The following PTPRN2 variants were observed in gnomAD, a reference collection of about 807,000 sequenced individuals.
PTPRN2 encodes protein tyrosine phosphatase receptor type N2, also known as receptor-type tyrosine-protein phosphatase N2.
Under a neutral mutation model 118.8 loss-of-function variants are expected in PTPRN2, and 74 were observed. That is an observed-to-expected ratio of 0.62 (90% confidence interval 0.52 to 0.76). The LOEUF (loss-of-function observed/expected upper bound fraction) is 0.76, where lower values mean the gene tolerates loss of function less well. Ranked by LOEUF, PTPRN2 falls within the 30% of genes least tolerant of loss-of-function variation. The pLI is 0.00. For synonymous variants in PTPRN2, 641 were observed against 608.0 expected (o/e 1.05, Z -0.80); for missense variants, 1,481 against 1,394.4 (o/e 1.06, Z -0.99).
intron 5 of PTPRN2, 26 bp downstream of exon 5, chr7:158,192,301 G>T: frequency 6.9e-7 from 1 of 1,446,530 alleles, no homozygotes; most frequent in Non-Finnish European, 9.0e-7. Flanking sequence ...GCCAACCCCG[G>T]CCCGGGGAGG....
chr7:158,002,758 G>C (rs770020372), intron 11 of PTPRN2, among the ~76,000 whole-genome samples: 1 of 152,218 alleles, frequency 6.6e-6, no homozygotes, highest in African/African-American at 2.4e-5. Context: ...AAATGGACTT[G>C]CCGGGGAGGA....
At chr7:157,698,524 G>A (rs1237323864) in intron 12 of PTPRN2, among the ~76,000 whole-genome samples, 4 of 152,260 alleles carry the variant, frequency 2.6e-5, no homozygotes, top group African/African-American at 7.2e-5. Flanking sequence ...CAAATATGTC[G>A]GGATGTTTAG....
chr7:158,549,702 C>G (rs1259478043), intron 1 of PTPRN2, among the ~76,000 whole-genome samples: 3 of 152,228 alleles, frequency 2.0e-5, no homozygotes, highest in Admixed American at 1.3e-4. Flanking sequence ...TGAAGAACTT[C>G]GCTCCATCAC....
chr7:157,727,233 C>T (rs1313075062), intron 12 of PTPRN2, among the ~76,000 whole-genome samples: 1 of 152,208 alleles, frequency 6.6e-6, no homozygotes, highest in African/African-American at 2.4e-5. Context: ...AGGCCAGCAT[C>T]TGTGGACGGA....
At chr7:158,084,107 C>T (rs995616059) in intron 10 of PTPRN2, among the ~76,000 whole-genome samples, 3 of 152,132 alleles carry the variant, frequency 2.0e-5, no homozygotes, top group Admixed American at 2.0e-4. Flanking sequence ...GCCTAGGAGA[C>T]CCTGGTTTTC....
intron 22 of PTPRN2, among the ~76,000 whole-genome samples, chr7:157,541,584 C>T (rs748522316): frequency 2.6e-5 from 4 of 152,238 alleles, no homozygotes. Context: ...CTTCAGTTTC[C>T]ACCTCAAAAC....
chr7:157,583,194 C>T lies in PTPRN2; in HGVS notation c.2497-5054G>A, dbSNP rs1053507659. 2.6e-5 allele frequency among the ~76,000 whole-genome samples: 4 copies of T among 152,094 alleles called. No homozygotes were observed. Among genetic ancestry groups the T allele is most frequent in the African/African-American group, 4.8e-5 (2 of 41,488 alleles). ...ACAACATGGATGAACCTGGAGGACA[C>T]GACGTTAAATTGAAATAAGCCGGAC... On this transcript the variant is annotated intron_variant, in intron 17 of 22. Coordinates refer to ENST00000389418, the MANE Select transcript of PTPRN2 (RefSeq NM_002847.5). This position sits in a 1 kb window ranked among gnomAD's most constrained non-coding sequence, Gnocchi z 5.5.
At chr7:157,728,971 C>T (rs1563046595) in intron 12 of PTPRN2, among the ~76,000 whole-genome samples, 1 of 152,182 alleles carries the variant, frequency 6.6e-6, no homozygotes, top group Non-Finnish European at 1.5e-5. Flanking sequence ...AGGGAGACGG[C>T]GCTGACCCGG....
chr7:157,989,793 G>T (rs759267331), intron 11 of PTPRN2, among the ~76,000 whole-genome samples: 2 of 152,142 alleles, frequency 1.3e-5, no homozygotes, highest in Non-Finnish European at 2.9e-5. Context: ...TAACTCAAGG[G>T]AAGCAGCATT....
chr7:158,358,086 C>G (rs1299788644), intron 2 of PTPRN2, among the ~76,000 whole-genome samples: 1 of 152,222 alleles, frequency 6.6e-6, no homozygotes. Context: ...GTGAGTTACT[C>G]GAATACATGA....
chr7:157,646,224 G>A (rs1446213938), intron 14 of PTPRN2, among the ~76,000 whole-genome samples: 1 of 152,198 alleles, frequency 6.6e-6, no homozygotes, highest in Non-Finnish European at 1.5e-5. Context: ...GGTGGGGCCT[G>A]GTGGGAAGTG....
At chr7:157,599,249 A>G (rs1340695553) in intron 16 of PTPRN2, among the ~76,000 whole-genome samples, 1 of 152,202 alleles carries the variant, frequency 6.6e-6, no homozygotes, top group African/African-American at 2.4e-5. Flanking sequence ...ACCTCAGGCA[A>G]TCTGCCTGCT....
At chr7:157,871,257 C>A (rs1811027952) in intron 12 of PTPRN2, among the ~76,000 whole-genome samples, 1 of 152,192 alleles carries the variant, frequency 6.6e-6, no homozygotes, top group East Asian at 1.9e-4. Flanking sequence ...AACACAGATC[C>A]TTGGGCCCTG....
intron 11 of PTPRN2, among the ~76,000 whole-genome samples, chr7:157,997,445 G>A (rs966305471): frequency 6.6e-5 from 10 of 152,228 alleles, no homozygotes; most frequent in African/African-American, 2.4e-4. Flanking sequence ...GCTGGCGCCT[G>A]GAGCCCAGGT....
intron 2 of PTPRN2, among the ~76,000 whole-genome samples, chr7:158,355,576 A>C (rs1808326663): frequency 6.6e-6 from 1 of 152,222 alleles, no homozygotes; most frequent in African/African-American, 2.4e-5. Flanking sequence ...AGGCAGGAGC[A>C]GTCAGGCAGG....
intron 12 of PTPRN2, among the ~76,000 whole-genome samples, chr7:157,747,867 C>A (rs368239405): frequency 1.1e-5 from 1 of 87,674 alleles, no homozygotes; most frequent in Non-Finnish European, 2.2e-5. Flanking sequence ...GGCCTGCGTC[C>A]CTGAGCTGTG....
intron 12 of PTPRN2, among the ~76,000 whole-genome samples, chr7:157,895,055 C>CA (rs1023163746): frequency 5.9e-5 from 9 of 151,842 alleles, no homozygotes; most frequent in Non-Finnish European, 1.2e-4. Flanking sequence ...GACCCCTCCC[C>CA]CACAGGAGGG....
At chr7:157,918,503 T>C (rs1303497565) in intron 11 of PTPRN2, among the ~76,000 whole-genome samples, 1 of 152,158 alleles carries the variant, frequency 6.6e-6, no homozygotes, top group Non-Finnish European at 1.5e-5. Flanking sequence ...GGAAGTCATC[T>C]TCCTAGGACA....
rs539110229 is a variant in PTPRN2, at chr7:157,674,635, G to T, written c.2001+8090C>A. Among the ~76,000 whole-genome samples the T allele has an allele frequency of 6.6e-6, 1 of 152,210 alleles. No homozygotes were observed. Among genetic ancestry groups the T allele is most frequent in the Non-Finnish European group, 1.5e-5 (1 of 68,042 alleles). On this transcript the variant is annotated intron_variant, in intron 13 of 22. Transcript: ENST00000389418. This position sits in a 1 kb window ranked among gnomAD's most constrained non-coding sequence, Gnocchi z 4.5. ...AGATAATGCCATTCACCACAGAGGC[G>T]CATTCTCTCTCGTGCCCATCAAGGC...
Sources: allele counts gnomAD v4.1 joint callset (sites outside exome capture counted in the v4.1 genomes callset), GRCh38; gene constraint gnomAD v4.1.1; non-coding constraint Gnocchi (gnomAD v3.1); transcripts MANE v1.5; gene names NCBI Gene and HGNC (gene_info 2026-07-23, HGNC 2026-07-21).